Variants in STK33 observed in about 807,000 individuals in gnomAD.
STK33 encodes serine/threonine kinase 33.
STK33 carries 52 observed loss-of-function variants against 58.0 expected under a neutral mutation model. The ratio of observed to expected loss-of-function variants is 0.90; its 90% CI spans 0.72 to 1.13. STK33 has a LOEUF of 1.13. Among genes scored for constraint, STK33 ranks in the 50% most tolerant of loss-of-function variants. The probability of loss-of-function intolerance (pLI) is 0.00; values close to 1 mark genes in which losing one functional copy is unlikely to be tolerated. For synonymous variants in STK33, 215 were observed against 200.1 expected (o/e 1.07, Z -0.63); for missense variants, 630 against 604.2 (o/e 1.04, Z -0.45).
chr11:8,546,534 C>T (rs908557127), intron 1 of STK33, among the ~76,000 whole-genome samples: 2 of 151,954 alleles, frequency 1.3e-5, no homozygotes, highest in Non-Finnish European at 2.9e-5. Context: ...AACACTAGAA[C>T]TTATTCCTTC....
chr11:8,544,707 AT>A (rs1955784475), intron 1 of STK33, among the ~76,000 whole-genome samples: 1 of 152,134 alleles, frequency 6.6e-6, no homozygotes, highest in South Asian at 2.1e-4. Context: ...AGAACCTACC[AT>A]TTATGCATGG....
intron 1 of STK33, among the ~76,000 whole-genome samples, chr11:8,491,750 G>A (rs1217981989): frequency 6.6e-6 from 1 of 152,188 alleles, no homozygotes; most frequent in Non-Finnish European, 1.5e-5. Context: ...AGATCTCTCA[G>A]CAGAAACTCT....
At chr11:8,369,295 CTGTGTGTGTGTGTGTGTGTGTGTG>C in the STK33 span, among the ~76,000 whole-genome samples, 1 of 137,662 alleles carries the variant, frequency 7.3e-6, no homozygotes, top group African/African-American at 2.7e-5. Context: ...GGTTTTTACT[CTGTGTGTGTGTGTGTGTGTGTGTG>C]TGTGTGTGTG....
intron 1 of STK33, among the ~76,000 whole-genome samples, chr11:8,508,864 C>A (rs1430135839): frequency 6.6e-6 from 1 of 152,126 alleles, no homozygotes; most frequent in Non-Finnish European, 1.5e-5. Context: ...AGCCTATAAT[C>A]CCAGCACTTT....
At chr11:8,407,568 TA>T (rs1428050248) in intron 15 of STK33, among the ~76,000 whole-genome samples, 1 of 152,044 alleles carries the variant, frequency 6.6e-6, no homozygotes, top group Admixed American at 6.5e-5. Flanking sequence ...TTTGTACTTT[TA>T]AAAGAAATTT....
chr11:8,348,297 G>A, the STK33 span, among the ~76,000 whole-genome samples: 2 of 152,176 alleles, frequency 1.3e-5, no homozygotes, highest in African/African-American at 4.8e-5. Context: ...AGGCTTAATT[G>A]ACTCACAGTT....
At chr11:8,461,260 C>T (rs947988103) in intron 8 of STK33, among the ~76,000 whole-genome samples, 3 of 152,118 alleles carry the variant, frequency 2.0e-5, no homozygotes, top group Non-Finnish European at 1.5e-5. Flanking sequence ...TGTCTGGAGG[C>T]AGAATGGCAA....
chr11:8,367,892 C>T, the STK33 span, among the ~76,000 whole-genome samples: 1 of 152,160 alleles, frequency 6.6e-6, no homozygotes, highest in African/African-American at 2.4e-5. Context: ...CACGTATACA[C>T]AGTGCACACG....
chr11:8,368,638 C>G, the STK33 span, among the ~76,000 whole-genome samples: 1 of 152,236 alleles, frequency 6.6e-6, no homozygotes, highest in African/African-American at 2.4e-5. Context: ...TTAACCCCTC[C>G]AGTTCTGAAG....
chr11:8,370,535 C>T, the STK33 span, among the ~76,000 whole-genome samples: 1 of 152,132 alleles, frequency 6.6e-6, no homozygotes, highest in Admixed American at 6.5e-5. Flanking sequence ...GGTGCTTTCT[C>T]CACTTAGGGC....
the STK33 span, among the ~76,000 whole-genome samples, chr11:8,335,840 C>T: frequency 2.0e-5 from 3 of 152,172 alleles, no homozygotes; most frequent in South Asian, 4.1e-4. Context: ...AGAAATCTAG[C>T]GTGTATTTTA....
At chr11:8,371,706 CTTTCA>C in the STK33 span, among the ~76,000 whole-genome samples, 6,216 of 144,598 alleles carry the variant, frequency 0.043, 177 homozygotes, top group Non-Finnish European at 0.066. Flanking sequence ...CCCTTTCTTC[CTTTCA>C]TTTATTTCCC....
At chr11:8,509,690 C>G (rs1952152683) in intron 1 of STK33, among the ~76,000 whole-genome samples, 1 of 152,056 alleles carries the variant, frequency 6.6e-6, no homozygotes, top group Non-Finnish European at 1.5e-5. Context: ...TCCCCAAAGT[C>G]CTTTATATCA....
intron 14 of STK33, among the ~76,000 whole-genome samples, chr11:8,426,782 G>C (rs1942822999): frequency 1.3e-5 from 2 of 152,036 alleles, no homozygotes. Flanking sequence ...TGTTAAGTTA[G>C]ATATCATTAA....
intron 1 of STK33, among the ~76,000 whole-genome samples, chr11:8,585,504 C>T (rs1366369246): frequency 2.0e-5 from 3 of 151,112 alleles, no homozygotes; most frequent in East Asian, 2.0e-4. Flanking sequence ...GGATTACAGG[C>T]ATGAGCCACC....
intron 1 of STK33, among the ~76,000 whole-genome samples, chr11:8,556,624 A>G (rs1035649990): frequency 1.3e-5 from 2 of 152,228 alleles, no homozygotes; most frequent in African/African-American, 2.4e-5. Flanking sequence ...CACTTATCCA[A>G]ATTGGGTCCC....
At chr11:8,523,860 G>A (rs1037303817) in intron 1 of STK33, among the ~76,000 whole-genome samples, 4 of 152,230 alleles carry the variant, frequency 2.6e-5, no homozygotes, top group South Asian at 2.1e-4. Context: ...TGACGATGGC[G>A]GTTTTGTCGA....
chr11:8,547,739 T>C (rs568501084), intron 1 of STK33, among the ~76,000 whole-genome samples: 54 of 152,326 alleles, frequency 3.5e-4, no homozygotes, highest in African/African-American at 1.3e-3. Flanking sequence ...ATCCCATTTG[T>C]CTATTTTCGC....
chr11:8,391,118 C>T (rs1848615321), downstream of STK33, among the ~76,000 whole-genome samples: 1 of 152,080 alleles, frequency 6.6e-6, no homozygotes, highest in African/African-American at 2.4e-5. Context: ...GCTAATGAAG[C>T]CAGAGTTCTC....
Sources: gnomAD v4.1 joint callset for allele counts (sites outside exome capture counted in the v4.1 genomes callset) on GRCh38, gnomAD v4.1.1 for gene constraint, MANE v1.5 for transcripts, NCBI Gene and HGNC (gene_info 2026-07-23, HGNC 2026-07-21) for gene names.